PTPRK: variants seen among roughly 807,000 people sequenced by gnomAD.
The protein encoded by PTPRK is protein tyrosine phosphatase receptor type K, also known as receptor-type tyrosine-protein phosphatase kappa.
In PTPRK, 75 loss-of-function variants were observed where a neutral mutation model predicts 178.0. That is an observed-to-expected ratio of 0.42 (90% CI 0.35 to 0.51). The LOEUF (loss-of-function observed/expected upper bound fraction) is 0.51, where lower values mean the gene tolerates loss of function less well. Among genes scored for constraint, PTPRK ranks in the 20% least tolerant of loss-of-function variants. The pLI is 0.02. For missense variants in PTPRK, 1,441 were observed against 1,797.8 expected, an observed-to-expected ratio of 0.80 and a Z score of 3.59; for synonymous variants, 637 against 620.6, an observed-to-expected ratio of 1.03 and a Z score of -0.39.
intron 10 of PTPRK, among the ~76,000 whole-genome samples, chr6:128,079,241 A>G (rs956447225): frequency 6.6e-6 from 1 of 151,996 alleles, no homozygotes; most frequent in Non-Finnish European, 1.5e-5. Context: ...GAGGGAAGGT[A>G]GTAACTGAGA....
chr6:128,326,846 A>G lies in PTPRK; in HGVS notation c.224-4536T>C, dbSNP rs1829647329. 3.9e-5 allele frequency among the ~76,000 whole-genome samples: 6 copies of G among 152,288 alleles called. No homozygotes were observed. In the South Asian group the frequency reaches 1.2e-3, roughly 32 times the overall value. On this transcript the variant is annotated intron_variant, in intron 2 of 29. Transcript: ENST00000368226. The stretch of plus-strand genomic sequence containing the variant: ...ATTAGATTTGCACATTTTTATTAAA[A>G]CAGAGACTACATGAATACTATCTTA...
intron 7 of PTPRK, among the ~76,000 whole-genome samples, chr6:128,116,679 C>T (rs1388401103): frequency 2.0e-5 from 3 of 152,174 alleles, no homozygotes; most frequent in African/African-American, 7.2e-5. Context: ...TGTTATATTC[C>T]AATCTGGATC....
intron 1 of PTPRK, among the ~76,000 whole-genome samples, chr6:128,463,041 C>T (rs748593250): frequency 2.6e-5 from 4 of 152,082 alleles, no homozygotes; most frequent in Non-Finnish European, 5.9e-5. Flanking sequence ...TCACACTGTG[C>T]ATGACACTTG....
chr6:128,507,122 T>A (rs1249288857), intron 1 of PTPRK, among the ~76,000 whole-genome samples: 7 of 152,108 alleles, frequency 4.6e-5, no homozygotes, highest in African/African-American at 1.4e-4. Context: ...ACTCAAGCAG[T>A]CAAGTTCCAA....
chr6:128,480,728 G>A (rs570205938), intron 1 of PTPRK, among the ~76,000 whole-genome samples: 5 of 152,282 alleles, frequency 3.3e-5, no homozygotes, highest in African/African-American at 1.2e-4. Context: ...AATTGGACGT[G>A]AAGCCAAGGC....
At chr6:128,468,921 CAAAAA>C (rs375371831) in intron 1 of PTPRK, among the ~76,000 whole-genome samples, 6 of 90,600 alleles carry the variant, frequency 6.6e-5, no homozygotes, top group Non-Finnish European at 1.3e-4. Flanking sequence ...AACACCTTTT[CAAAAA>C]AAAAAAAAAA....
chr6:128,335,571 A>G (rs2128327928), intron 2 of PTPRK, among the ~76,000 whole-genome samples: 3 of 152,176 alleles, frequency 2.0e-5, no homozygotes, highest in Admixed American at 2.0e-4. Flanking sequence ...ATGAAAGAAA[A>G]GAGAGGAAAA....
At chr6:128,290,288 T>C (rs1823172001) in intron 3 of PTPRK, among the ~76,000 whole-genome samples, 1 of 152,110 alleles carries the variant, frequency 6.6e-6, no homozygotes, top group African/African-American at 2.4e-5. Flanking sequence ...AAGCAGACTT[T>C]GTCAGTATTT....
intron 2 of PTPRK, among the ~76,000 whole-genome samples, chr6:128,341,208 C>A (rs1443678085): frequency 1.3e-5 from 2 of 152,030 alleles, no homozygotes; most frequent in Non-Finnish European, 2.9e-5. Context: ...AACATAAACA[C>A]AAATGCAAAT....
intron 3 of PTPRK, among the ~76,000 whole-genome samples, chr6:128,287,381 T>C (rs992854728): frequency 2.0e-5 from 3 of 152,214 alleles, no homozygotes; most frequent in African/African-American, 7.2e-5. Flanking sequence ...CATGCCCTTT[T>C]ATCCTCTGTT....
At chr6:128,179,498 TG>T (rs1361895569) in intron 7 of PTPRK, among the ~76,000 whole-genome samples, 1 of 151,994 alleles carries the variant, frequency 6.6e-6, no homozygotes, top group Non-Finnish European at 1.5e-5. Context: ...ATAATAGCAT[TG>T]CCTTTTAAAT....
chr6:128,311,353 T>G (rs1449775053), intron 3 of PTPRK, among the ~76,000 whole-genome samples: 1 of 152,122 alleles, frequency 6.6e-6, no homozygotes, highest in Non-Finnish European at 1.5e-5. Flanking sequence ...CTTGTAAAAA[T>G]CATCACTGTC....
intron 1 of PTPRK, among the ~76,000 whole-genome samples, chr6:128,502,312 AAAAC>A (rs546133755): frequency 2.6e-5 from 4 of 152,182 alleles, no homozygotes; most frequent in South Asian, 4.1e-4. Context: ...GTTAAACAGA[AAAAC>A]AGTCTTCTTC....
chr6:128,423,838 T>C lies in PTPRK; in HGVS notation c.101-26150A>G, dbSNP rs570791370. Among the ~76,000 whole-genome samples the C allele has an allele frequency of 1.1e-4, 16 of 151,052 alleles. No homozygotes were observed. The South Asian group carries it at 3.1e-3, about 30-fold the overall frequency. The stretch of plus-strand genomic sequence containing the variant: ...GCAAGAGTCTGTCTCAGAAAAGAAA[T>C]AAATAAAATACAGTACATAAAAAAT... On this transcript the variant is annotated intron_variant, in intron 1 of 29. Coordinates refer to ENST00000368226, the MANE Select transcript of PTPRK (RefSeq NM_002844.4).
At chr6:128,439,349 T>G (rs560552079) in intron 1 of PTPRK, among the ~76,000 whole-genome samples, 2 of 152,186 alleles carry the variant, frequency 1.3e-5, no homozygotes, top group African/African-American at 4.8e-5. Context: ...GAGTACCCAG[T>G]CAAGAACAGA....
chr6:128,375,283 T>C (rs1836898067), intron 2 of PTPRK, among the ~76,000 whole-genome samples: 1 of 151,794 alleles, frequency 6.6e-6, no homozygotes, highest in African/African-American at 2.4e-5. Context: ...AGGGGTTCAA[T>C]GGACATACAG....
chr6:128,464,159 T>C (rs1021738745), intron 1 of PTPRK, among the ~76,000 whole-genome samples: 11 of 152,134 alleles, frequency 7.2e-5, no homozygotes, highest in Non-Finnish European at 1.5e-4. Flanking sequence ...TATTGCATAA[T>C]ATTTTAGGCA....
At chr6:128,065,595 A>G (rs1334262937) in intron 12 of PTPRK, among the ~76,000 whole-genome samples, 6 of 152,212 alleles carry the variant, frequency 3.9e-5, no homozygotes, top group Non-Finnish European at 8.8e-5. Context: ...TCTGTTTGCA[A>G]GATGCATTTA....
rs1379025962 is a variant in PTPRK at position 128,499,476 on chromosome 6, C to T, written c.100+20783G>A. On this transcript the variant is annotated intron_variant, in intron 1 of 29. Coordinates refer to ENST00000368226, the MANE Select transcript of PTPRK (RefSeq NM_002844.4). ...CCTGTAAATATCCAGAAATTATACACGAATTGAGGATAAGGAAACAGGCTA... is the reference window on the plus strand; with the variant it reads ...CCTGTAAATATCCAGAAATTATACATGAATTGAGGATAAGGAAACAGGCTA... Among the ~76,000 whole-genome samples the T allele has an allele frequency of 2.6e-5, 4 of 152,168 alleles. No homozygotes were observed. In the East Asian group the frequency reaches 5.8e-4, roughly 22 times the overall value.
Sources: allele counts gnomAD v4.1 joint callset (sites outside exome capture counted in the v4.1 genomes callset), GRCh38; gene constraint gnomAD v4.1.1; transcripts MANE v1.5; gene names NCBI Gene and HGNC (gene_info 2026-07-23, HGNC 2026-07-21).